Variants in SPATA31F1 observed in about 807,000 individuals in gnomAD.
SPATA31F1 encodes protein SPATA31F1.
the SPATA31F1 span, chr9:34,724,589 T>G: frequency 6.5e-7 from 1 of 1,535,254 alleles, no homozygotes; most frequent in African/African-American, 1.4e-5. Flanking sequence ...GATATGTGTC[T>G]GGAGTGAGTG....
At chr9:34,727,944 A>T in the SPATA31F1 span, 2 of 1,331,694 alleles carry the variant, frequency 1.5e-6, no homozygotes, top group Non-Finnish European at 2.1e-6. Context: ...CTTTCTCCTT[A>T]GTCCTGCCCC....
At chr9:34,726,578 G>A in the SPATA31F1 span, 6 of 1,551,986 alleles carry the variant, frequency 3.9e-6, no homozygotes, top group South Asian at 1.2e-5. Flanking sequence ...CCTTGAAGAA[G>A]CTATGGTGTT....
At chr9:34,727,958 C>G in the SPATA31F1 span, 1 of 1,486,372 alleles carries the variant, frequency 6.7e-7, no homozygotes, top group Non-Finnish European at 9.1e-7. Flanking sequence ...CTGCCCCAGG[C>G]CAAGCCAAGA....
At chr9:34,723,318 A>G in the SPATA31F1 span, 1 of 1,551,728 alleles carries the variant, frequency 6.4e-7, no homozygotes, top group Non-Finnish European at 8.7e-7. Flanking sequence ...GCTGAGGCAG[A>G]GCCAGGTTGT....
the SPATA31F1 span, chr9:34,724,815 C>A: frequency 6.4e-7 from 1 of 1,551,028 alleles, no homozygotes; most frequent in Non-Finnish European, 8.7e-7. Context: ...TCTGTGATGA[C>A]AGATTGGCTA....
the SPATA31F1 span, chr9:34,723,217 G>A: frequency 6.5e-7 from 1 of 1,548,540 alleles, no homozygotes; most frequent in African/African-American, 1.4e-5. Context: ...TTCTATCTGA[G>A]GTGAGGGTCA....
the SPATA31F1 span, chr9:34,724,253 G>A: frequency 1.9e-6 from 3 of 1,551,532 alleles, no homozygotes; most frequent in South Asian, 1.2e-5. Flanking sequence ...ACTGGGCTGT[G>A]AGATCTTGGA....
At chr9:34,725,043 G>A in the SPATA31F1 span, 1 of 1,552,040 alleles carries the variant, frequency 6.4e-7, no homozygotes, top group Non-Finnish European at 8.7e-7. Flanking sequence ...ACTTTGTGAT[G>A]CAGGTCCGGG....
At chr9:34,727,954 C>T in the SPATA31F1 span, 1 of 1,458,466 alleles carries the variant, frequency 6.9e-7, no homozygotes, top group South Asian at 1.3e-5. Context: ...AGTCCTGCCC[C>T]AGGCCAAGCC....
the SPATA31F1 span, chr9:34,726,604 A>C: frequency 6.4e-7 from 1 of 1,551,490 alleles, no homozygotes; most frequent in Non-Finnish European, 8.7e-7. Flanking sequence ...CCCGGAGCAC[A>C]TCTGGCACTT....
the SPATA31F1 span, chr9:34,725,761 T>G: frequency 1.9e-6 from 3 of 1,548,722 alleles, no homozygotes; most frequent in South Asian, 1.2e-5. Flanking sequence ...TTGGGGAAAG[T>G]GGGGAAGAGG....
chr9:34,723,814 T>G, the SPATA31F1 span: 1 of 1,551,728 alleles, frequency 6.4e-7, no homozygotes, highest in Non-Finnish European at 8.7e-7. Flanking sequence ...TTAGCTTGGT[T>G]TGACTGTCTT....
chr9:34,723,228 G>A, the SPATA31F1 span: 1 of 1,550,634 alleles, frequency 6.4e-7, no homozygotes, highest in Non-Finnish European at 8.7e-7. Flanking sequence ...GTGAGGGTCA[G>A]GAGCTAGGTT....
chr9:34,726,267 G>T, the SPATA31F1 span: 7 of 1,529,560 alleles, frequency 4.6e-6, no homozygotes, highest in Non-Finnish European at 6.2e-6. Flanking sequence ...TACAATGGTG[G>T]GTTTGGCATA....
the SPATA31F1 span, chr9:34,727,911 T>C: frequency 2.0e-6 from 2 of 995,166 alleles, no homozygotes; most frequent in South Asian, 1.7e-5. Flanking sequence ...TTCCACTGTG[T>C]ATGTCTCCCT....
At chr9:34,728,690 A>T in the SPATA31F1 span, 6 of 1,547,250 alleles carry the variant, frequency 3.9e-6, no homozygotes, top group South Asian at 7.2e-5. Flanking sequence ...TGAAGCTGGG[A>T]CACCATTTTC....
the SPATA31F1 span, among the ~76,000 whole-genome samples, chr9:34,728,922 G>A: frequency 6.6e-6 from 1 of 152,296 alleles, no homozygotes; most frequent in Non-Finnish European, 1.5e-5. Context: ...GGATGACACA[G>A]GAGGAAAAGC....
the SPATA31F1 span, chr9:34,729,362 G>T: frequency 1.3e-6 from 2 of 1,551,802 alleles, no homozygotes; most frequent in Non-Finnish European, 1.7e-6. Flanking sequence ...CAATAACGAT[G>T]AAGATGGAGC....
the SPATA31F1 span, chr9:34,728,752 G>T: frequency 1.8e-6 from 2 of 1,105,874 alleles, no homozygotes; most frequent in Non-Finnish European, 2.7e-6. Context: ...CACTCGCTTT[G>T]TATATATCTA....
Sources: allele counts gnomAD v4.1 joint callset (sites outside exome capture counted in the v4.1 genomes callset), GRCh38; gene constraint gnomAD v4.1.1; transcripts MANE v1.5; gene names NCBI Gene and HGNC (gene_info 2026-07-23, HGNC 2026-07-21).